PPM1H: variants seen among roughly 807,000 people sequenced by gnomAD.
PPM1H encodes the protein protein phosphatase, Mg2+/Mn2+ dependent 1H.
A neutral mutation model predicts 54.9 loss-of-function variants in PPM1H; 27 were observed. That is an observed-to-expected ratio of 0.49 (90% CI 0.36 to 0.68). PPM1H has a LOEUF of 0.68. Ranked by LOEUF, PPM1H falls within the 30% of genes least tolerant of loss-of-function variation. PPM1H has a pLI of 0.00. For synonymous variants in PPM1H, 305 were observed against 270.8 expected (o/e 1.13, Z -1.24); for missense variants, 596 against 667.8 (o/e 0.89, Z 1.19).
intron 1 of PPM1H, among the ~76,000 whole-genome samples, chr12:62,867,576 T>A (rs1459969113): frequency 9.3e-6 from 1 of 107,908 alleles, no homozygotes; most frequent in African/African-American, 4.8e-5. Context: ...TTTTTTTTTT[T>A]TTTTTTTTTT....
At chr12:62,889,536 A>G (rs668823) in intron 1 of PPM1H, among the ~76,000 whole-genome samples, 13,209 of 152,092 alleles carry the variant, frequency 0.087, 1,802 homozygotes, top group African/African-American at 0.29. Context: ...ATGTAAAGTT[A>G]CATTTATCAA....
intron 1 of PPM1H, among the ~76,000 whole-genome samples, chr12:62,927,598 G>A (rs1331475760): frequency 1.3e-5 from 2 of 151,094 alleles, no homozygotes; most frequent in African/African-American, 4.9e-5. Flanking sequence ...GGAGGCAGAG[G>A]TTGCAGTAAG....
intron 1 of PPM1H, among the ~76,000 whole-genome samples, chr12:62,841,342 G>C (rs1868740571): frequency 6.6e-6 from 1 of 152,136 alleles, no homozygotes; most frequent in South Asian, 2.1e-4. Flanking sequence ...TATATTTTAA[G>C]TAGCTGGGGG....
intron 1 of PPM1H, among the ~76,000 whole-genome samples, chr12:62,890,874 C>T (rs1870770035): frequency 6.6e-6 from 1 of 151,956 alleles, no homozygotes; most frequent in Admixed American, 6.6e-5. Flanking sequence ...CTTTGGGAGG[C>T]CAAGGCAGGC....
intron 6 of PPM1H, among the ~76,000 whole-genome samples, chr12:62,703,310 A>T (rs143936985): frequency 0.013 from 1,956 of 152,050 alleles, 18 homozygotes; most frequent in Non-Finnish European, 0.02. Flanking sequence ...ACTCAGAAGG[A>T]TGCCTCAGAG....
At chr12:62,820,243 G>A (rs993706342) in intron 2 of PPM1H, among the ~76,000 whole-genome samples, 4 of 152,248 alleles carry the variant, frequency 2.6e-5, no homozygotes, top group South Asian at 2.1e-4. Flanking sequence ...TAAACAAAGC[G>A]GCTGGGGAAG....
intron 2 of PPM1H, among the ~76,000 whole-genome samples, chr12:62,823,934 C>T (rs1868257667): frequency 6.6e-6 from 1 of 152,086 alleles, no homozygotes; most frequent in African/African-American, 2.4e-5. Flanking sequence ...AAAGGGAATT[C>T]GATTAGGAAA....
intron 1 of PPM1H, among the ~76,000 whole-genome samples, chr12:62,913,740 G>A (rs1418335971): frequency 6.6e-6 from 1 of 152,146 alleles, no homozygotes; most frequent in Non-Finnish European, 1.5e-5. Flanking sequence ...TCACTCAGTT[G>A]TCCAGGCTGG....
chr12:62,738,067 C>T (rs982815340), intron 4 of PPM1H, among the ~76,000 whole-genome samples: 3 of 152,088 alleles, frequency 2.0e-5, no homozygotes, highest in Admixed American at 6.6e-5. Flanking sequence ...CTGAATTTTT[C>T]GTTTTATTGA....
intron 4 of PPM1H, among the ~76,000 whole-genome samples, chr12:62,772,494 T>C (rs2076584969): frequency 1.3e-5 from 2 of 152,196 alleles, no homozygotes; most frequent in Admixed American, 6.5e-5. Flanking sequence ...GTTCATACTA[T>C]CTTTTTTCAT....
At chr12:62,812,728 C>G (rs1478437363) in intron 2 of PPM1H, among the ~76,000 whole-genome samples, 1 of 151,062 alleles carries the variant, frequency 6.6e-6, no homozygotes, top group Admixed American at 6.6e-5. Flanking sequence ...CAAAAGGAAA[C>G]TGCTTTTTAA....
intron 4 of PPM1H, among the ~76,000 whole-genome samples, chr12:62,774,890 T>C (rs1013568465): frequency 6.6e-5 from 10 of 152,178 alleles, no homozygotes; most frequent in African/African-American, 2.4e-4. Context: ...ATCCAGGTTC[T>C]GGTACGAGTT....
At chr12:62,830,836 G>A (rs1377951416) in intron 2 of PPM1H, among the ~76,000 whole-genome samples, 2 of 151,460 alleles carry the variant, frequency 1.3e-5, no homozygotes, top group Non-Finnish European at 2.9e-5. Flanking sequence ...GAGCATAGAC[G>A]CAATGAAACA....
intron 2 of PPM1H, among the ~76,000 whole-genome samples, chr12:62,807,401 A>G (rs2076811318): frequency 6.6e-6 from 1 of 152,244 alleles, no homozygotes; most frequent in African/African-American, 2.4e-5. Context: ...AGGCCATAAG[A>G]AACACATTTA....
At chr12:62,669,223 T>C (rs1047110563) in intron 8 of PPM1H, among the ~76,000 whole-genome samples, 2 of 152,240 alleles carry the variant, frequency 1.3e-5, no homozygotes, top group African/African-American at 4.8e-5. Flanking sequence ...AAGTCCCAAA[T>C]GTCAGAATTC....
At chr12:62,831,240 A>T (rs1403828378) in intron 2 of PPM1H, among the ~76,000 whole-genome samples, 2 of 152,206 alleles carry the variant, frequency 1.3e-5, no homozygotes, top group Admixed American at 1.3e-4. Context: ...TATCCTCAAG[A>T]TGATCAGAAT....
intron 4 of PPM1H, among the ~76,000 whole-genome samples, chr12:62,745,318 T>C (rs1367454621): frequency 6.6e-6 from 1 of 152,212 alleles, no homozygotes; most frequent in African/African-American, 2.4e-5. Flanking sequence ...CACCTCAGTC[T>C]CCCAAAGTGC....
rs191175654 is a variant in PPM1H, at chr12:62,915,568, A to G, written c.245+18924T>C. Among the ~76,000 whole-genome samples, 106 of 152,316 alleles carry G rather than the reference A, an allele frequency of 7.0e-4. 1 individual carries two copies. In the Middle Eastern group the frequency reaches 0.01, roughly 15 times the overall value. ...GACAAATCCCAGGTTTTACCTGAGA[A>G]GGAAAGTCCCTCCCACTTCCCCTTC... On this transcript the variant is annotated intron_variant, in intron 1 of 9. Transcript: ENST00000228705.
At chr12:62,697,367 C>T (rs2076120572) in intron 6 of PPM1H, among the ~76,000 whole-genome samples, 1 of 152,090 alleles carries the variant, frequency 6.6e-6, no homozygotes, top group Admixed American at 6.5e-5. Flanking sequence ...ATCTGCCCAC[C>T]TCGGCCTCCC....
Sources: allele counts gnomAD v4.1 joint callset (sites outside exome capture counted in the v4.1 genomes callset), GRCh38; gene constraint gnomAD v4.1.1; transcripts MANE v1.5; gene names NCBI Gene and HGNC (gene_info 2026-07-23, HGNC 2026-07-21).